MBD1: variants seen among roughly 807,000 people sequenced by gnomAD.
MBD1 encodes the protein methyl-CpG binding domain protein 1.
In MBD1, 25 loss-of-function variants were observed where a neutral mutation model predicts 82.6. The observed-to-expected ratio is 0.30, with a 90% CI of 0.22 to 0.42. MBD1 has a LOEUF of 0.42. MBD1 is among the 10% of genes least tolerant of loss of function. The pLI is 1.00. For missense variants in MBD1, 627 were observed against 819.6 expected, an observed-to-expected ratio of 0.76 and a Z score of 2.87; for synonymous variants, 301 against 303.7, an observed-to-expected ratio of 0.99 and a Z score of 0.09.
downstream of MBD1, chr18:50,267,395 G>A (rs2034044551): frequency 3.9e-6 from 2 of 510,704 alleles, no homozygotes; most frequent in Non-Finnish European, 3.5e-6. Flanking sequence ...ATTTGCCATT[G>A]GCAGAAACCA....
Position 50,272,876 on chromosome 18 carries a change from G to C in MBD1, c.1664C>G (p.Ser555Cys). ...TTCCTCTGGGGCCAATTTGGAGGCA[G>C]AATCATCCTTGTTCTCCTCCTTGTC... ...EEDKEENKDD[S>C]ASKLAPEEEA... is the part of the protein sequence containing the mutation. The change falls in exon 14 of 17, where the codon TCT becomes TGT. Residue 555 changes from serine (S) to cysteine (C), a missense_variant. Coordinates refer to ENST00000269468, the MANE Select transcript of MBD1 (RefSeq NM_015846.4). 2 of 1,614,202 alleles carry C rather than the reference G, an allele frequency of 1.2e-6. No homozygotes were observed. The highest frequency in any genetic ancestry group is 1.7e-6 in the Non-Finnish European group (2 of 1,180,024).
At chr18:50,267,311 A>G, downstream of MBD1, 1 of 414,290 alleles carries the variant, frequency 2.4e-6, no homozygotes, top group East Asian at 4.1e-5. Flanking sequence ...AAGCTCAGGG[A>G]GCCTAAGTGC....
In MBD1 at chr18:50,275,260, A is replaced by G. The variant is rs776178292; in HGVS notation, c.793-15T>C. 4 of 1,613,642 alleles carry G rather than the reference A, an allele frequency of 2.5e-6. No individual in the cohort carries two copies. The South Asian group carries it at 4.4e-5, about 18-fold the overall frequency. ...GCATGTTTACCCTGGGAAAGATCAG[A>G]AAGGGTGGTTTCAGCTTGGTGGCAC... On this transcript the variant is annotated splice_polypyrimidine_tract_variant and intron_variant, in intron 8 of 16. Transcript: ENST00000269468.
chr18:50,267,741 G>T, downstream of MBD1: 1 of 928,248 alleles, frequency 1.1e-6, no homozygotes, highest in Non-Finnish European at 1.7e-6. Flanking sequence ...GTGAGCACAT[G>T]CAACAAATCA....
chr18:50,276,976 C>A lies in MBD1; in HGVS notation c.248G>T (p.Ser83Ile). Reference sequence around the variant, plus strand: ...CCTTGAAGGCTTCTTTCGCTTCTTGCTGGCAACCGCCACGGGATGGGCCTG... The same window carrying A: ...CCTTGAAGGCTTCTTTCGCTTCTTGATGGCAACCGCCACGGGATGGGCCTG... Reference protein sequence around the residue: ...APKAHPVAVASKKRKKPSRPA... With the variant: ...APKAHPVAVAIKKRKKPSRPA... The change falls in exon 4 of 17, where the codon AGC becomes ATC. Residue 83 changes from serine (S) to isoleucine (I), a missense_variant. By Grantham distance (142) the Ser-to-Ile change is moderately radical. Coordinates refer to ENST00000269468, the MANE Select transcript of MBD1 (RefSeq NM_015846.4). 1 of 1,614,222 alleles carries A rather than the reference C, an allele frequency of 6.2e-7. No homozygotes were observed. The highest frequency in any genetic ancestry group is 8.5e-7 in the Non-Finnish European group (1 of 1,180,042).
rs147270727 is a variant in MBD1 at position 50,279,778 on chromosome 18, T to C, written c.110+105A>G. 6.2e-6 allele frequency: 9 copies of C among 1,450,752 alleles called. No individual in the cohort carries two copies. The Admixed American group carries it at 1.2e-4, about 20-fold the overall frequency. The allele number at this position is 1,450,752 out of a possible 1,614,324, so 89.9% of individuals were successfully genotyped here. A position where few individuals can be genotyped will look rare whatever the true frequency, so the allele number is the denominator to read the frequency against. On this transcript the variant is annotated intron_variant, in intron 2 of 16. Coordinates refer to ENST00000269468, the MANE Select transcript of MBD1 (RefSeq NM_015846.4). ...AAAATCCGCTAATAAGGATTAACTG[T>C]ATGTGCATAATTTAAACTTCATCCA...
intron 1 of MBD1, among the ~76,000 whole-genome samples, chr18:50,280,287 C>T (rs2039695271): frequency 6.6e-6 from 1 of 152,096 alleles, no homozygotes; most frequent in Admixed American, 6.5e-5. Context: ...TATCCTCAGA[C>T]TGACAACCCA....
rs371376049 is a variant in MBD1, at chr18:50,277,039, G to C, written c.226-41C>G. On this transcript the variant is annotated intron_variant, in intron 3 of 16. Transcript: ENST00000269468. Reference sequence around the variant, plus strand: ...AGGAGGAATATGGGTCAGTGGTTGGGTGTTGGGTGGCACATCCACCCCTAC... The same window carrying C: ...AGGAGGAATATGGGTCAGTGGTTGGCTGTTGGGTGGCACATCCACCCCTAC... The C allele has an allele frequency of 4.3e-6, 7 of 1,613,956 alleles. No individual in the cohort carries two copies. In the African/African-American group the frequency reaches 8.0e-5, roughly 18 times the overall value.
chr18:50,268,491 G>A (rs1005303664), downstream of MBD1, among the ~76,000 whole-genome samples: 1 of 152,266 alleles, frequency 6.6e-6, no homozygotes, highest in Non-Finnish European at 1.5e-5. Flanking sequence ...CCCAAGTACT[G>A]GGGTTTGCGC....
chr18:50,274,942 T>G (rs927783280), intron 10 of MBD1, 35 bp downstream of exon 10: 2 of 1,609,840 alleles, frequency 1.2e-6, no homozygotes, highest in South Asian at 2.2e-5. Context: ...CGTCCTGAGA[T>G]TCTAGGCTTA....
intron 1 of MBD1, 87 bp from the exon 2 acceptor site, chr18:50,280,104 A>C: frequency 7.3e-7 from 1 of 1,375,734 alleles, no homozygotes; most frequent in East Asian, 2.5e-5. Context: ...ACTGGTATCC[A>C]TTAGTGCTTG....
intron 6 of MBD1, 144 bp from the exon 7 acceptor site, chr18:50,276,125 G>A: frequency 1.8e-6 from 2 of 1,112,866 alleles, no homozygotes; most frequent in South Asian, 2.7e-5. Flanking sequence ...GGTCTGGTTA[G>A]TCACCATCAC....
intron 13 of MBD1, 79 bp from the exon 14 acceptor site, chr18:50,273,034 T>A: frequency 1.9e-6 from 3 of 1,556,002 alleles, no homozygotes; most frequent in Non-Finnish European, 2.7e-6. Flanking sequence ...AACCCCTCAC[T>A]GTGCTGACAA....
intron 12 of MBD1, 33 bp from the exon 13 acceptor site, chr18:50,273,504 T>G (rs754918248): frequency 3.7e-6 from 6 of 1,613,932 alleles, no homozygotes; most frequent in Non-Finnish European, 5.1e-6. Context: ...AGACTTGGTC[T>G]CAGCTCCCTG....
At chr18:50,273,310 C>G (rs763366481) in intron 13 of MBD1, 24 bp downstream of exon 13, 3 of 1,613,572 alleles carry the variant, frequency 1.9e-6, no homozygotes, top group Non-Finnish European at 2.5e-6. Flanking sequence ...ACGGCACCAA[C>G]AGAACATCCA....
chr18:50,273,766 T>C lies in MBD1; in HGVS notation c.1244A>G (p.His415Arg), dbSNP rs1775072665. The C allele has an allele frequency of 3.1e-6, 5 of 1,613,994 alleles. No homozygotes were observed. Among genetic ancestry groups the C allele is most frequent in the African/African-American group, 1.3e-5 (1 of 74,938 alleles). The change falls in exon 12 of 17, where the codon CAC (histidine) becomes CGC (arginine). Residue 415 changes from histidine (H) to arginine (R), a missense_variant. This residue lies in a region of MBD1 where 265 missense variants were observed against 278.4 expected (regional missense o/e 0.95). Transcript: ENST00000269468. ...GGGCTTCAAGGTAGGGCCAAGATGG[T>C]GCCGTCGGGCAGAGCTGGGCCTCTT... Reference protein sequence around the residue: ...RRKRPSSARRHHLGPTLKPTL... With the variant: ...RRKRPSSARRRHLGPTLKPTL...
At chr18:50,281,650 G>C (rs964809253), upstream of MBD1, 1 of 438,504 alleles carries the variant, frequency 2.3e-6, no homozygotes, top group Admixed American at 3.9e-5. Flanking sequence ...CTCCGCAGCG[G>C]TGCGCGCGCC....
At position 50,273,473 on chromosome 18, in the gene MBD1, T is replaced by C; in HGVS notation, c.1447-2A>G. On this transcript the variant is annotated splice_acceptor_variant, in intron 12 of 16. Coordinates refer to ENST00000269468, the MANE Select transcript of MBD1 (RefSeq NM_015846.4). LOFTEE classifies it high-confidence loss of function. ...ACTCAGGCCAGAGCACTGGGCCTCC[T>C]GCGTGAGGGAGGATTGCAGCAGACT... The C allele has an allele frequency of 2.5e-6, 4 of 1,614,142 alleles. No individual in the cohort carries two copies. The highest frequency in any genetic ancestry group is 3.4e-6 in the Non-Finnish European group (4 of 1,180,020).
At chr18:50,280,202 G>A (rs1424303739) in intron 1 of MBD1, among the ~76,000 whole-genome samples, 185 bp from the exon 2 acceptor site, 1 of 151,966 alleles carries the variant, frequency 6.6e-6, no homozygotes, top group Non-Finnish European at 1.5e-5. Flanking sequence ...CCTATTCTGG[G>A]CCTAGGATAT....
Sources: allele counts gnomAD v4.1 joint callset (sites outside exome capture counted in the v4.1 genomes callset), GRCh38; gene constraint gnomAD v4.1.1; regional missense constraint gnomAD v4.1.1; transcripts MANE v1.5; gene names NCBI Gene and HGNC (gene_info 2026-07-23, HGNC 2026-07-21).